The following ZNF671 variants were observed in gnomAD, a reference collection of about 807,000 sequenced individuals.
ZNF671 encodes hypothetical protein FLJ23506.
In ZNF671, 19 loss-of-function variants were observed where a neutral mutation model predicts 16.6. That is an observed-to-expected ratio of 1.14 (90% confidence interval 0.80 to 1.68). ZNF671 has a LOEUF of 1.68. Ranked by LOEUF, ZNF671 falls within the 40% of genes most tolerant of loss-of-function variation. The pLI, the probability that ZNF671 is intolerant of heterozygous loss-of-function variation, is 0.00. For missense variants in ZNF671, 637 were observed against 659.8 expected (o/e 0.97, Z 0.38); for synonymous variants, 238 against 236.3 (o/e 1.01, Z -0.06).
chr19:57,722,888 CT>C (rs1985925794), intron 2 of ZNF671, among the ~76,000 whole-genome samples: 1 of 151,448 alleles, frequency 6.6e-6, no homozygotes, highest in African/African-American at 2.4e-5. Flanking sequence ...GAGCCAGACC[CT>C]GACTCAAAAA....
rs771306162 is a variant in ZNF671 at position 57,727,419 on chromosome 19, G to A, written c.110C>T (p.Pro37Leu). 2.5e-6 allele frequency: 4 copies of A among 1,612,660 alleles called. No homozygotes were observed. In the African/African-American group the frequency reaches 5.3e-5, roughly 22 times the overall value. ...CGCGGAGTCCGTTAGCTCCGCCATAGGACCGTGGGCGCGGACAGCTGCCGG... is the reference window on the plus strand; with the variant it reads ...CGCGGAGTCCGTTAGCTCCGCCATAAGACCGTGGGCGCGGACAGCTGCCGG... ...PLPAAVRAHG[P>L]MAELTDSARG... is the part of the protein sequence containing the mutation. Residue 37 changes from proline to leucine, a missense_variant, in exon 1 of 4, where the codon CCT (proline) becomes CTT (leucine). Physicochemically the swap from Pro to Leu is moderately conservative, Grantham distance 98. Transcript: ENST00000317398.
Position 57,727,338 on chromosome 19 carries a change from CGATTCG to C in ZNF671, c.138+47_138+52del, listed in dbSNP as rs766331534. On this transcript the variant is annotated intron_variant, in intron 1 of 3. Transcript: ENST00000317398. ...GGACACAGGGGCTGCAGGCACTTTA[CGATTCG>C]GAGTCGGAGAAAGGGTGACTGAGGG... is the stretch of plus-strand genomic sequence containing the variant. The C allele has an allele frequency of 3.1e-5, 48 of 1,545,342 alleles. No individual in the cohort carries two copies. The South Asian group carries it at 5.3e-4, about 17-fold the overall frequency.
intron 1 of ZNF671, among the ~76,000 whole-genome samples, chr19:57,724,343 G>A (rs1385271905): frequency 6.6e-6 from 1 of 152,102 alleles, no homozygotes; most frequent in Non-Finnish European, 1.5e-5. Flanking sequence ...CAAAAGATTG[G>A]ACACCCCTGA....
chr19:57,722,143 G>A (rs758532076), intron 3 of ZNF671, 173 bp downstream of exon 3: 16 of 1,064,798 alleles, frequency 1.5e-5, no homozygotes, highest in Non-Finnish European at 2.0e-5. Context: ...AGAGGTGAGG[G>A]TGGCAAGGGG....
intron 3 of ZNF671, 103 bp from the exon 4 acceptor site, chr19:57,721,800 CTG>C: frequency 6.8e-7 from 1 of 1,464,126 alleles, no homozygotes; most frequent in Admixed American, 2.1e-5. Flanking sequence ...GTTCATGAAA[CTG>C]TTTTCAGAAT....
chr19:57,723,385 A>G (rs765828070), intron 1 of ZNF671, 45 bp from the exon 2 acceptor site: 1 of 1,563,292 alleles, frequency 6.4e-7, no homozygotes, highest in African/African-American at 1.4e-5. Flanking sequence ...TCTCTTGACC[A>G]ATGATCCCCA....
chr19:57,724,242 C>T (rs376485953), intron 1 of ZNF671, among the ~76,000 whole-genome samples: 3 of 152,126 alleles, frequency 2.0e-5, no homozygotes, highest in Non-Finnish European at 2.9e-5. Flanking sequence ...CTTTGTTGCA[C>T]ATTGTACCAC....
chr19:57,720,411 C>G lies in ZNF671; in HGVS notation c.*70G>C, dbSNP rs1000663031. 1 of 1,549,248 alleles carries G rather than the reference C, an allele frequency of 6.5e-7. No homozygotes were observed. Among genetic ancestry groups the G allele is most frequent in the African/African-American group, 1.4e-5 (1 of 73,374 alleles). On this transcript the variant is annotated 3_prime_UTR_variant, in exon 4 of 4. Transcript: ENST00000317398. Reference sequence around the variant, plus strand: ...CTGCATCTGCTGCACTCATTAACTACTGCTAGTTCCCCACCATATAGTAAG... The same window carrying G: ...CTGCATCTGCTGCACTCATTAACTAGTGCTAGTTCCCCACCATATAGTAAG...
At position 57,722,342 on chromosome 19, in the gene ZNF671, C is replaced by T. The variant is rs760553498; in HGVS notation, c.362G>A (p.Arg121Lys). Reference protein sequence around the residue: ...DQVDMTSATEREAQRGLRPGC... With the variant: ...DQVDMTSATEKEAQRGLRPGC... ...AGGTCTAAGTCCCCTCTGGGCCTCT[C>T]TTTCTGTGGCTGAAGTCATATCCAC... The change falls in exon 3 of 4, where the codon AGA (arginine) becomes AAA (lysine). Residue 121 changes from arginine to lysine, a missense_variant. Transcript: ENST00000317398. 5.6e-6 allele frequency: 9 copies of T among 1,614,042 alleles called. No individual in the cohort carries two copies. The highest frequency in any genetic ancestry group is 3.3e-5 in the South Asian group (3 of 91,080).
chr19:57,722,291 G>A (rs372440358), intron 3 of ZNF671, 25 bp downstream of exon 3: 35 of 1,612,290 alleles, frequency 2.2e-5, no homozygotes, highest in Middle Eastern at 1.7e-4. Flanking sequence ...CTTTGACATC[G>A]TGCCCTTCCC....
rs556432363 is a variant in ZNF671, at chr19:57,722,379, C to A, written c.325G>T (p.Val109Leu). ...MKLERGEEPW[V>L]YDQVDMTSAT... is the part of the protein sequence containing the mutation. ...GAAGTCATATCCACCTGGTCATACA[C>A]CCAGGGCTCTTCTCCTCGCTCTAGT... The change falls in exon 3 of 4, where the codon GTG (valine) becomes TTG (leucine). Residue 109 changes from valine to leucine, a missense_variant. Coordinates refer to ENST00000317398, the MANE Select transcript of ZNF671 (RefSeq NM_024833.3). 16 of 1,614,026 alleles carry A rather than the reference C, an allele frequency of 9.9e-6. No homozygotes were observed. Among genetic ancestry groups the A allele is most frequent in the African/African-American group, 6.7e-5 (5 of 74,924 alleles).
intron 1 of ZNF671, among the ~76,000 whole-genome samples, chr19:57,724,675 A>G (rs1442794794): frequency 6.6e-6 from 1 of 151,950 alleles, no homozygotes; most frequent in Admixed American, 6.6e-5. Context: ...ACAGGCGCCC[A>G]CCACCATGCC....
chr19:57,727,614 A>G lies in ZNF671; in HGVS notation c.-86T>C, dbSNP rs901828596. ...CCAGGGACAGCCTGACAGAAACAAA[A>G]TGTCCGCTACAAGGAGGAGCCGGAA... On this transcript the variant is annotated 5_prime_UTR_variant, in exon 1 of 4. Transcript: ENST00000317398. The G allele has an allele frequency of 6.5e-7, 1 of 1,527,996 alleles. No homozygotes were observed. Among genetic ancestry groups the G allele is most frequent in the African/African-American group, 1.4e-5 (1 of 72,566 alleles). 94.7% of individuals were successfully genotyped at this position (1,527,996 alleles called of 1,614,324 possible).
Position 57,721,215 on chromosome 19 carries a change from C to G in ZNF671, c.871G>C (p.Gly291Arg). 1 of 1,606,522 alleles carries G rather than the reference C, an allele frequency of 6.2e-7. No homozygotes were observed. The change falls in exon 4 of 4, where the codon GGG (glycine) becomes CGG (arginine). Residue 291 changes from glycine to arginine, a missense_variant. Coordinates refer to ENST00000317398, the MANE Select transcript of ZNF671 (RefSeq NM_024833.3). ...GQRYHRCGEC[G>R]KAFTRKDTLA... ...GTGTCTTTGCGGGTGAAGGCTTTCC[C>G]ACATTCACCACACCTGTGATACCTC...
intron 1 of ZNF671, among the ~76,000 whole-genome samples, chr19:57,726,326 A>T (rs759909600): frequency 6.6e-6 from 1 of 151,902 alleles, no homozygotes; most frequent in Non-Finnish European, 1.5e-5. Context: ...AAATAAAAAA[A>T]ATAAATAAAC....
Position 57,727,587 on chromosome 19 carries a change from G to A in ZNF671, c.-59C>T. The A allele has an allele frequency of 6.4e-7, 1 of 1,553,506 alleles. No individual in the cohort carries two copies. The highest frequency in any genetic ancestry group is 8.8e-7 in the Non-Finnish European group (1 of 1,142,840). ...GCCCACACAAGCGTTACAGAACCCC[G>A]GCCAGGGACAGCCTGACAGAAACAA... On this transcript the variant is annotated 5_prime_UTR_variant, in exon 1 of 4. Coordinates refer to ENST00000317398, the MANE Select transcript of ZNF671 (RefSeq NM_024833.3).
chr19:57,724,759 T>C (rs576418276), intron 1 of ZNF671, among the ~76,000 whole-genome samples: 123 of 152,176 alleles, frequency 8.1e-4, no homozygotes, highest in African/African-American at 2.8e-3. Flanking sequence ...TCTCCTGACC[T>C]CGTGATCCAC....
Position 57,721,592 on chromosome 19 carries a change from G to A in ZNF671, c.494C>T (p.Pro165Leu). The A allele has an allele frequency of 1.2e-6, 2 of 1,614,182 alleles. No homozygotes were observed. The highest frequency in any genetic ancestry group is 1.7e-6 in the Non-Finnish European group (2 of 1,180,048). Residue 165 changes from proline (P) to leucine (L), a missense_variant, in exon 4 of 4, where the codon CCA becomes CTA. Pro to Leu is a moderately conservative substitution (Grantham distance 98). Transcript: ENST00000317398. ...CAATATTGGGCCACATATGTCACAT[G>A]GGTGAGACTCCAGCTCTGCCATGAG... is the stretch of plus-strand genomic sequence containing the variant. ...RTLMAELESH[P>L]CDICGPILKD...
At chr19:57,724,578 TGCAGTGGCACGATCTTGGCTCACTGCAA>T (rs1985984306) in intron 1 of ZNF671, among the ~76,000 whole-genome samples, 1 of 151,104 alleles carries the variant, frequency 6.6e-6, no homozygotes, top group Non-Finnish European at 1.5e-5. Context: ...CAGGCTGGAG[TGCAGTGGCACGATCTTGGCTCACTGCAA>T]GCTCCATCTC....
Sources: gnomAD v4.1 joint callset for allele counts (sites outside exome capture counted in the v4.1 genomes callset) on GRCh38, gnomAD v4.1.1 for gene constraint, MANE v1.5 for transcripts, NCBI Gene and HGNC (gene_info 2026-07-23, HGNC 2026-07-21) for gene names.